Variants in PRKAR2B observed in about 807,000 individuals in gnomAD.
PRKAR2B encodes the protein protein kinase cAMP-dependent type II regulatory subunit beta.
PRKAR2B carries 14 observed loss-of-function variants against 49.9 expected under a neutral mutation model. The observed-to-expected ratio is 0.28, with a 90% CI of 0.19 to 0.44. The LOEUF is 0.44. PRKAR2B is among the 20% of genes least tolerant of loss of function. The pLI, the probability that PRKAR2B is intolerant of heterozygous loss-of-function variation, is 1.00. For synonymous variants in PRKAR2B, 196 were observed against 197.7 expected, an observed-to-expected ratio of 0.99 and a Z score of 0.07; for missense variants, 393 against 537.9, an observed-to-expected ratio of 0.73 and a Z score of 2.67.
intron 2 of PRKAR2B, among the ~76,000 whole-genome samples, chr7:107,092,633 C>A (rs1794751491): frequency 6.6e-6 from 1 of 151,938 alleles, no homozygotes; most frequent in Admixed American, 6.6e-5. Context: ...AAGAGAAGAG[C>A]AAAAATTTAT....
In PRKAR2B at chr7:107,065,396, G is replaced by C. The variant is rs1036794289; in HGVS notation, c.308-4885G>C. On this transcript the variant is annotated intron_variant, in intron 1 of 10. Coordinates refer to ENST00000265717, the MANE Select transcript of PRKAR2B (RefSeq NM_002736.3). ...TGTGTGTTTATGACTGCAGATCACAGCTCAGGGCTCTTGTTTCTTTAACTT... is the reference window on the plus strand; with the variant it reads ...TGTGTGTTTATGACTGCAGATCACACCTCAGGGCTCTTGTTTCTTTAACTT... 2.0e-5 allele frequency among the ~76,000 whole-genome samples: 3 copies of C among 148,000 alleles called. No homozygotes were observed. In the Admixed American group the frequency reaches 2.1e-4, roughly 10 times the overall value.
chr7:107,072,234 T>A (rs1331152371), intron 2 of PRKAR2B, among the ~76,000 whole-genome samples: 1 of 151,998 alleles, frequency 6.6e-6, no homozygotes, highest in Admixed American at 6.6e-5. Context: ...GGAAACAGTT[T>A]GGTATAAATA....
intron 4 of PRKAR2B, among the ~76,000 whole-genome samples, chr7:107,139,860 C>T (rs1279707934): frequency 6.6e-6 from 1 of 152,016 alleles, no homozygotes. Context: ...ATCTTTTTTC[C>T]CCTTTGAATC....
chr7:107,154,686 A>C (rs1419364900), intron 8 of PRKAR2B, among the ~76,000 whole-genome samples: 1 of 152,226 alleles, frequency 6.6e-6, no homozygotes, highest in African/African-American at 2.4e-5. Context: ...GGAGTTTTGA[A>C]ATATTTTAAG....
intron 3 of PRKAR2B, 103 bp from the exon 4 acceptor site, chr7:107,128,106 GTTC>G (rs1050024736): frequency 2.7e-6 from 2 of 745,328 alleles, no homozygotes; most frequent in African/African-American, 1.8e-5. Context: ...AGCGCTAACA[GTTC>G]TTCTTTCTAA....
chr7:107,110,350 G>A (rs1795149034), intron 2 of PRKAR2B, among the ~76,000 whole-genome samples: 2 of 152,092 alleles, frequency 1.3e-5, no homozygotes, highest in Non-Finnish European at 2.9e-5. Flanking sequence ...ACAAAGACTT[G>A]AACTCCTAGG....
chr7:107,055,145 T>A (rs1345759837), intron 1 of PRKAR2B, among the ~76,000 whole-genome samples: 1 of 152,226 alleles, frequency 6.6e-6, no homozygotes, highest in East Asian at 1.9e-4. Flanking sequence ...CATGAACTGA[T>A]CCTTTTTTAT....
intron 3 of PRKAR2B, among the ~76,000 whole-genome samples, chr7:107,127,319 G>A (rs904444339): frequency 2.0e-5 from 3 of 151,876 alleles, no homozygotes; most frequent in Admixed American, 6.6e-5. Flanking sequence ...AACCAACTCC[G>A]TGTCTGCTGC....
intron 2 of PRKAR2B, among the ~76,000 whole-genome samples, chr7:107,104,882 G>A (rs531265836): frequency 6.6e-6 from 1 of 152,284 alleles, no homozygotes; most frequent in East Asian, 1.9e-4. Context: ...AGCTATTGGA[G>A]CTATTAGGAG....
At chr7:107,103,223 G>C (rs1438439550) in intron 2 of PRKAR2B, among the ~76,000 whole-genome samples, 1 of 151,968 alleles carries the variant, frequency 6.6e-6, no homozygotes, top group African/African-American at 2.4e-5. Flanking sequence ...AAAATTTCTT[G>C]GGAAATAGGA....
At chr7:107,057,941 A>T (rs549792566) in intron 1 of PRKAR2B, among the ~76,000 whole-genome samples, 10 of 152,300 alleles carry the variant, frequency 6.6e-5, no homozygotes, top group African/African-American at 2.2e-4. Flanking sequence ...ATATGAAAGT[A>T]AAGTCTTTAA....
intron 2 of PRKAR2B, among the ~76,000 whole-genome samples, chr7:107,088,981 C>A (rs1027558206): frequency 6.6e-6 from 1 of 150,852 alleles, no homozygotes; most frequent in East Asian, 2.0e-4. Flanking sequence ...CTAGCCTGGG[C>A]AACATGGTAA....
At chr7:107,137,948 G>T (rs1325609614) in intron 4 of PRKAR2B, among the ~76,000 whole-genome samples, 1 of 152,014 alleles carries the variant, frequency 6.6e-6, no homozygotes, top group African/African-American at 2.4e-5. Context: ...GGGCACTTGA[G>T]TGTGCCCTTT....
At chr7:107,059,054 A>G (rs1293454461) in intron 1 of PRKAR2B, among the ~76,000 whole-genome samples, 1 of 152,104 alleles carries the variant, frequency 6.6e-6, no homozygotes, top group Non-Finnish European at 1.5e-5. Flanking sequence ...GGGGGAGACC[A>G]AGACGGGCAG....
In PRKAR2B at chr7:107,140,867, A is replaced by G. The variant is rs779687984; in HGVS notation, c.501A>G (p.Leu167=). 1.9e-6 allele frequency: 3 copies of G among 1,612,180 alleles called. No individual in the cohort carries two copies. In the South Asian group the frequency reaches 3.3e-5, roughly 18 times the overall value. Residue 167 remains leucine (L), a synonymous_variant, in exon 5 of 11, where the codon TTA becomes TTG. Transcript: ENST00000265717. ...NLDPEQMSQV[L]DAMFEKLVKD... ...AATAGGAGCAGATGTCTCAAGTATT[A>G]GATGCCATGTTTGAAAAATTGGTCA...
intron 2 of PRKAR2B, among the ~76,000 whole-genome samples, chr7:107,099,824 C>T (rs111246272): frequency 0.088 from 13,313 of 151,784 alleles, 634 homozygotes; most frequent in African/African-American, 0.13. Context: ...TTAGTAGAGA[C>T]GGGGTTTCAC....
Position 107,128,200 on chromosome 7 carries a change from A to T in PRKAR2B, c.397-12A>T, listed in dbSNP as rs755821267. On this transcript the variant is annotated splice_polypyrimidine_tract_variant and intron_variant, in intron 3 of 10. Coordinates refer to ENST00000265717, the MANE Select transcript of PRKAR2B (RefSeq NM_002736.3). ...CTAATGTCTTTGTTTTTTAAATCTG[A>T]TGTCCTTTTAGATTATACATCCAAA... 6.3e-7 allele frequency: 1 copy of T among 1,579,360 alleles called. No individual in the cohort carries two copies. The highest frequency in any genetic ancestry group is 1.1e-5 in the South Asian group (1 of 89,526).
At chr7:107,119,718 T>G (rs1383885908) in intron 2 of PRKAR2B, among the ~76,000 whole-genome samples, 1 of 152,196 alleles carries the variant, frequency 6.6e-6, no homozygotes, top group Non-Finnish European at 1.5e-5. Flanking sequence ...AAGCAATCTT[T>G]CAATAGTGAC....
chr7:107,113,987 T>C (rs903123589), intron 2 of PRKAR2B, among the ~76,000 whole-genome samples: 3 of 152,222 alleles, frequency 2.0e-5, no homozygotes, highest in African/African-American at 7.2e-5. Context: ...CGTTCTTTGT[T>C]GATAGGATTC....
Sources: allele counts gnomAD v4.1 joint callset (sites outside exome capture counted in the v4.1 genomes callset), GRCh38; gene constraint gnomAD v4.1.1; transcripts MANE v1.5; gene names NCBI Gene and HGNC (gene_info 2026-07-23, HGNC 2026-07-21).